The following FHAD1 variants were observed in gnomAD, a reference collection of about 807,000 sequenced individuals.
The protein encoded by FHAD1 is forkhead-associated domain-containing protein 1.
A neutral mutation model predicts 191.3 loss-of-function variants in FHAD1; 146 were observed. That is an observed-to-expected ratio of 0.76 (90% CI 0.67 to 0.88). FHAD1 has a LOEUF of 0.88. Among genes scored for constraint, FHAD1 ranks in the 40% least tolerant of loss-of-function variants. The pLI is 0.00. For synonymous variants in FHAD1, 616 were observed against 672.3 expected, an observed-to-expected ratio of 0.92 and a Z score of 1.29; for missense variants, 1,635 against 1,785.8, an observed-to-expected ratio of 0.92 and a Z score of 1.52.
rs745795315 is a variant in FHAD1 at position 15,381,547 on chromosome 1, A to T, written c.4022+96A>T. Reference sequence around the variant, plus strand: ...AGCAGACCTCTAGGCCTGGGACAGGAGGACAGAGACCCACGTGTGGAATAC... The same window carrying T: ...AGCAGACCTCTAGGCCTGGGACAGGTGGACAGAGACCCACGTGTGGAATAC... On this transcript the variant is annotated intron_variant, in intron 30 of 33. Coordinates refer to ENST00000688493, the MANE Select transcript of FHAD1 (RefSeq NM_001391957.1). The surrounding 1 kb of genome is among the most constrained non-coding windows in gnomAD (Gnocchi z 4.6). 7 of 944,998 alleles carry T rather than the reference A, an allele frequency of 7.4e-6. No individual in the cohort carries two copies. The highest frequency in any genetic ancestry group is 9.7e-6 in the Non-Finnish European group (6 of 618,654). 58.5% of individuals were successfully genotyped at this position (944,998 alleles called of 1,614,324 possible).
chr1:15,343,210 C>T (rs1007768280), intron 16 of FHAD1, among the ~76,000 whole-genome samples: 1 of 152,178 alleles, frequency 6.6e-6, no homozygotes, highest in African/African-American at 2.4e-5. Context: ...CCCGCCGACT[C>T]TCCACATTCT....
At chr1:15,378,676 C>G (rs532660348) in intron 28 of FHAD1, among the ~76,000 whole-genome samples, 7 of 152,322 alleles carry the variant, frequency 4.6e-5, no homozygotes, top group Non-Finnish European at 7.4e-5. Context: ...TGTGTCCACT[C>G]TTAATATAGA....
intron 32 of FHAD1, among the ~76,000 whole-genome samples, chr1:15,390,273 A>T (rs1465189365): frequency 7.1e-6 from 1 of 140,710 alleles, no homozygotes; most frequent in Non-Finnish European, 1.5e-5. Flanking sequence ...TGAACCTGGG[A>T]GGCAAAGGTT....
At chr1:15,352,120 C>CA (rs1355065435) in intron 19 of FHAD1, among the ~76,000 whole-genome samples, 11 of 152,250 alleles carry the variant, frequency 7.2e-5, no homozygotes, top group Admixed American at 2.6e-4. Context: ...CAATTCCCCC[C>CA]AAAAAACTGT....
intron 2 of FHAD1, among the ~76,000 whole-genome samples, chr1:15,258,662 G>A (rs1649513676): frequency 6.6e-6 from 1 of 150,666 alleles, no homozygotes; most frequent in South Asian, 2.1e-4. Context: ...TCGGCTCACT[G>A]CCAACCTCTG....
intron 20 of FHAD1, among the ~76,000 whole-genome samples, chr1:15,357,333 C>T (rs745405496): frequency 6.6e-6 from 1 of 152,112 alleles, no homozygotes; most frequent in Non-Finnish European, 1.5e-5. Flanking sequence ...TATGAAAGAT[C>T]AAAAGAATGG....
chr1:15,326,322 C>T (rs939646646), intron 11 of FHAD1: 4 of 152,234 alleles, frequency 2.6e-5, no homozygotes, highest in Non-Finnish European at 1.5e-5. Context: ...CTTTTTACCT[C>T]TAACTACTAA....
chr1:15,345,229 C>T, intron 17 of FHAD1, 39 bp downstream of exon 17: 3 of 1,507,562 alleles, frequency 2.0e-6, no homozygotes, highest in Non-Finnish European at 2.7e-6. Flanking sequence ...TCGAGCCCCA[C>T]TGCAGCTAGG....
Position 15,301,454 on chromosome 1 carries a change from T to A in FHAD1, c.915+13T>A. 6.4e-7 allele frequency: 1 copy of A among 1,550,580 alleles called. No individual in the cohort carries two copies. Among genetic ancestry groups the A allele is most frequent in the Non-Finnish European group, 8.7e-7 (1 of 1,146,428 alleles). ...CTTGAAAAGCCAGGTAGGCAGAGCC[T>A]GAGAGGTACAGCACAGCTCTCAGGC... On this transcript the variant is annotated intron_variant, in intron 6 of 33. Coordinates refer to ENST00000688493, the MANE Select transcript of FHAD1 (RefSeq NM_001391957.1).
chr1:15,399,907 A>G (rs1277908797), downstream of FHAD1: 1 of 152,234 alleles, frequency 6.6e-6, no homozygotes, highest in Non-Finnish European at 1.5e-5. Flanking sequence ...TTCCTCTACC[A>G]TATAGGCTCA....
rs1438177774 is a variant in FHAD1, at chr1:15,352,926, T to C, written c.2504T>C (p.Met835Thr). The C allele has an allele frequency of 6.4e-7, 1 of 1,550,938 alleles. No individual in the cohort carries two copies. The highest frequency in any genetic ancestry group is 1.7e-4 in the Middle Eastern group (1 of 5,990). The change falls in exon 20 of 34, where the codon ATG becomes ACG. Residue 835 changes from methionine (M) to threonine (T), a missense_variant. Transcript: ENST00000688493. Reference protein sequence around the residue: ...AYEKRKAKEAMEKEKKKVQDL... With the variant: ...AYEKRKAKEATEKEKKKVQDL... Reference sequence around the variant, plus strand: ...GAGAAACGCAAAGCAAAGGAGGCCATGGAGAAGGAAAAGAAAAAGGTGCAA... The same window carrying C: ...GAGAAACGCAAAGCAAAGGAGGCCACGGAGAAGGAAAAGAAAAAGGTGCAA...
intron 2 of FHAD1, among the ~76,000 whole-genome samples, chr1:15,252,827 C>T (rs1646949298): frequency 6.6e-6 from 1 of 152,146 alleles, no homozygotes; most frequent in African/African-American, 2.4e-5. Context: ...AGCCTCAGCT[C>T]ATTGACAACC....
rs116449095 is a variant in FHAD1, at chr1:15,329,288, G to A, written c.1711-58G>A. 1,802 of 1,424,634 alleles carry A rather than the reference G, an allele frequency of 1.3e-3. 23 individuals carry two copies. In the African/African-American group the frequency reaches 0.022, roughly 18 times the overall value. 88.2% of individuals were successfully genotyped at this position (1,424,634 alleles called of 1,614,324 possible). ...AAGAACGCTGTTCCTCGAAGGTCAC[G>A]TCAGGGGCTATTTCTGGCCACAGGG... On this transcript the variant is annotated intron_variant, in intron 13 of 33. Transcript: ENST00000688493. The surrounding 1 kb of genome is among the most constrained non-coding windows in gnomAD (Gnocchi z 5.0).
chr1:15,304,687 C>T (rs1669859845), intron 6 of FHAD1, among the ~76,000 whole-genome samples: 1 of 152,126 alleles, frequency 6.6e-6, no homozygotes, highest in African/African-American at 2.4e-5. Flanking sequence ...GAAGTGGAGA[C>T]CTGCGCAAGT....
rs186520277 is a variant in FHAD1, at chr1:15,322,974, T to C, written c.1366-1478T>C. On this transcript the variant is annotated intron_variant, in intron 10 of 33. Coordinates refer to ENST00000688493, the MANE Select transcript of FHAD1 (RefSeq NM_001391957.1). ...GCGAAAGGCACTTCTTACATGGCGG[T>C]GGCAAGGGAAAAATAAGGAAGAAAC... Among the ~76,000 whole-genome samples the C allele has an allele frequency of 5.1e-3, 780 of 152,086 alleles. 6 individuals carry two copies. Among genetic ancestry groups the C allele is most frequent in the Admixed American group, 7.5e-3 (114 of 15,280 alleles).
chr1:15,257,326 A>G (rs1648680619), intron 2 of FHAD1, among the ~76,000 whole-genome samples: 1 of 152,206 alleles, frequency 6.6e-6, no homozygotes. Flanking sequence ...CAAGAGGCGA[A>G]ACATGGTATC....
chr1:15,372,125 G>T (rs116085432), intron 26 of FHAD1, among the ~76,000 whole-genome samples: 1 of 152,076 alleles, frequency 6.6e-6, no homozygotes, highest in Non-Finnish European at 1.5e-5. Flanking sequence ...GCACAGTGAC[G>T]CGGGGGCATG....
intron 14 of FHAD1, among the ~76,000 whole-genome samples, chr1:15,338,523 C>A (rs762928389): frequency 1.3e-5 from 2 of 152,200 alleles, no homozygotes; most frequent in South Asian, 2.1e-4. Flanking sequence ...TCTCGAAATC[C>A]TTAACTTAAT....
At position 15,381,696 on chromosome 1, in the gene FHAD1, C is replaced by G. The variant is rs776283605; in HGVS notation, c.4022+245C>G. Among the ~76,000 whole-genome samples the G allele has an allele frequency of 7.2e-5, 11 of 152,060 alleles. No individual in the cohort carries two copies. The highest frequency in any genetic ancestry group is 2.6e-4 in the Admixed American group (4 of 15,268). ...TTCTGTGAACTATTTTCTGTGCAAG[C>G]TGCACCTCTTGCGACCCTTGACTTA... On this transcript the variant is annotated intron_variant, in intron 30 of 33. Coordinates refer to ENST00000688493, the MANE Select transcript of FHAD1 (RefSeq NM_001391957.1). The surrounding 1 kb of genome is among the most constrained non-coding windows in gnomAD (Gnocchi z 4.6).
Sources: gnomAD v4.1 joint callset for allele counts (sites outside exome capture counted in the v4.1 genomes callset) on GRCh38, gnomAD v4.1.1 for gene constraint, Gnocchi (gnomAD v3.1) non-coding constraint, MANE v1.5 for transcripts, NCBI Gene and HGNC (gene_info 2026-07-23, HGNC 2026-07-21) for gene names.